The following NRXN1 variants were observed in gnomAD, a reference collection of about 807,000 sequenced individuals.
The protein encoded by NRXN1 is neurexin 1.
A neutral mutation model predicts 150.9 loss-of-function variants in NRXN1; 39 were observed. The observed-to-expected ratio is 0.26, with a 90% CI of 0.20 to 0.34. The LOEUF (loss-of-function observed/expected upper bound fraction) is 0.34, where lower values mean the gene tolerates loss of function less well. NRXN1 is among the 10% of genes least tolerant of loss of function. NRXN1 has a pLI of 1.00. For missense variants in NRXN1, 1,815 were observed against 1,949.9 expected, an observed-to-expected ratio of 0.93 and a Z score of 1.30; for synonymous variants, 924 against 757.0, an observed-to-expected ratio of 1.22 and a Z score of -3.62.
chr2:50,616,692 G>A (rs1485971219), intron 8 of NRXN1, among the ~76,000 whole-genome samples: 1 of 152,132 alleles, frequency 6.6e-6, no homozygotes, highest in Non-Finnish European at 1.5e-5. Context: ...AAGGAAGAAA[G>A]TTGAACTTAG....
At chr2:50,763,596 A>G (rs973052112) in intron 5 of NRXN1, among the ~76,000 whole-genome samples, 4 of 151,928 alleles carry the variant, frequency 2.6e-5, no homozygotes, top group African/African-American at 9.7e-5. Flanking sequence ...TCTAGGAACC[A>G]AATTTCCACT....
intron 19 of NRXN1, among the ~76,000 whole-genome samples, chr2:50,066,710 G>A (rs1695415716): frequency 2.0e-5 from 3 of 151,958 alleles, no homozygotes; most frequent in Admixed American, 6.6e-5. Context: ...TGAAAAAAAA[G>A]AAAAAACTCT....
intron 17 of NRXN1, among the ~76,000 whole-genome samples, chr2:50,453,520 T>C (rs1558758687): frequency 6.6e-6 from 1 of 152,220 alleles, no homozygotes; most frequent in Non-Finnish European, 1.5e-5. Flanking sequence ...GTTGTCACTA[T>C]ACTCATCACC....
chr2:50,302,150 A>C (rs2152955352), intron 17 of NRXN1, among the ~76,000 whole-genome samples: 1 of 152,288 alleles, frequency 6.6e-6, no homozygotes, highest in South Asian at 2.1e-4. Context: ...TTTTGAAACT[A>C]AGTTTTGTGG....
intron 17 of NRXN1, among the ~76,000 whole-genome samples, chr2:50,292,540 G>A (rs2073059286): frequency 6.6e-6 from 1 of 152,048 alleles, no homozygotes; most frequent in Non-Finnish European, 1.5e-5. Context: ...CAGATCCATT[G>A]TCCCCACTTA....
intron 17 of NRXN1, among the ~76,000 whole-genome samples, chr2:50,416,652 T>C (rs1435087774): frequency 6.6e-6 from 1 of 152,132 alleles, no homozygotes; most frequent in Non-Finnish European, 1.5e-5. Flanking sequence ...CCTCAGGAAA[T>C]TTATAATCAG....
At chr2:50,105,605 T>A (rs1205226412) in intron 18 of NRXN1, among the ~76,000 whole-genome samples, 1 of 152,002 alleles carries the variant, frequency 6.6e-6, no homozygotes, top group East Asian at 1.9e-4. Flanking sequence ...GAATACATAA[T>A]CATCAAAACA....
intron 18 of NRXN1, among the ~76,000 whole-genome samples, chr2:50,215,036 G>A (rs141774589): frequency 2.6e-5 from 4 of 151,990 alleles, no homozygotes; most frequent in South Asian, 4.1e-4. Flanking sequence ...GACAGATGGC[G>A]GCAACCCTCA....
intron 17 of NRXN1, among the ~76,000 whole-genome samples, chr2:50,295,274 A>T (rs929885691): frequency 6.6e-6 from 1 of 152,098 alleles, no homozygotes; most frequent in Non-Finnish European, 1.5e-5. Context: ...TTTAAATTCA[A>T]CCTTTGATTA....
intron 17 of NRXN1, among the ~76,000 whole-genome samples, chr2:50,423,695 G>A (rs1255289331): frequency 1.3e-5 from 2 of 152,012 alleles, no homozygotes; most frequent in South Asian, 2.1e-4. Context: ...CCATTCCTGT[G>A]TTGGAGGTTA....
In NRXN1 at chr2:49,919,219, C is replaced by G. The variant is rs2103954083; in HGVS notation, c.*2725G>C. ...ATCAACTGCAAACTATGCAGGGAAC[C>G]CTGATATGTTTGGTATGAAGATACT... is the stretch of plus-strand genomic sequence containing the variant. On this transcript the variant is annotated 3_prime_UTR_variant, in exon 23 of 23. Coordinates refer to ENST00000401669, the MANE Select transcript of NRXN1 (RefSeq NM_001330078.2). 6.6e-6 allele frequency: 1 copy of G among 152,140 alleles called. No individual in the cohort carries two copies. Among genetic ancestry groups the G allele is most frequent in the Non-Finnish European group, 1.5e-5 (1 of 67,958 alleles). The allele number at this position is 152,140 out of a possible 1,614,324, so 9.4% of individuals were successfully genotyped here. A position where few individuals can be genotyped will look rare whatever the true frequency, so the allele number is the denominator to read the frequency against.
intron 17 of NRXN1, among the ~76,000 whole-genome samples, chr2:50,439,869 C>T (rs904843033): frequency 6.6e-6 from 1 of 151,646 alleles, no homozygotes; most frequent in African/African-American, 2.4e-5. Context: ...TGTGCTAGGC[C>T]TTTTCCATAA....
chr2:50,407,541 G>C (rs2082837119), intron 17 of NRXN1, among the ~76,000 whole-genome samples: 1 of 152,074 alleles, frequency 6.6e-6, no homozygotes, highest in Non-Finnish European at 1.5e-5. Context: ...TGGCAATATT[G>C]AGTAGTGGGG....
intron 8 of NRXN1, among the ~76,000 whole-genome samples, chr2:50,583,463 T>C (rs201751156): frequency 2.6e-5 from 4 of 152,188 alleles, no homozygotes; most frequent in East Asian, 3.8e-4. Context: ...ACTCCTATCA[T>C]AGAATGACAA....
intron 8 of NRXN1, among the ~76,000 whole-genome samples, chr2:50,608,034 T>C (rs527744012): frequency 6.6e-6 from 1 of 152,074 alleles, no homozygotes; most frequent in Admixed American, 6.6e-5. Context: ...TGGGGGTAAA[T>C]GAGAAGCCCA....
intron 8 of NRXN1, among the ~76,000 whole-genome samples, chr2:50,580,922 G>C (rs1487372826): frequency 6.6e-6 from 1 of 152,054 alleles, no homozygotes; most frequent in East Asian, 1.9e-4. Flanking sequence ...AGAACTCTTA[G>C]AATATGGCCA....
intron 17 of NRXN1, among the ~76,000 whole-genome samples, chr2:50,337,087 T>C (rs915592959): frequency 2.0e-5 from 3 of 149,718 alleles, no homozygotes; most frequent in African/African-American, 7.3e-5. Context: ...CTTTTTCTTT[T>C]TTTTTTTTTT....
intron 15 of NRXN1, among the ~76,000 whole-genome samples, chr2:50,485,219 A>C (rs1008349258): frequency 1.3e-5 from 2 of 152,226 alleles, no homozygotes; most frequent in African/African-American, 4.8e-5. Context: ...AGTCAATATC[A>C]GACAATGTGA....
chr2:49,980,882 A>G (rs1175723856), intron 21 of NRXN1, among the ~76,000 whole-genome samples: 1 of 152,116 alleles, frequency 6.6e-6, no homozygotes, highest in Non-Finnish European at 1.5e-5. Flanking sequence ...AACCTACTGA[A>G]GTCAGATGAA....
Sources: gnomAD v4.1 joint callset for allele counts (sites outside exome capture counted in the v4.1 genomes callset) on GRCh38, gnomAD v4.1.1 for gene constraint, MANE v1.5 for transcripts, NCBI Gene and HGNC (gene_info 2026-07-23, HGNC 2026-07-21) for gene names.